EFR3B: variants seen among roughly 807,000 people sequenced by gnomAD.
The protein encoded by EFR3B is protein EFR3 homolog B.
EFR3B carries 64 observed loss-of-function variants against 104.7 expected under a neutral mutation model. The ratio of observed to expected loss-of-function variants is 0.61; its 90% CI spans 0.50 to 0.75. The LOEUF (loss-of-function observed/expected upper bound fraction) is 0.75. EFR3B is among the 30% of genes least tolerant of loss of function. The pLI, the probability that EFR3B is intolerant of heterozygous loss-of-function variation, is 0.00. For synonymous variants in EFR3B, 385 were observed against 417.9 expected (o/e 0.92, Z 0.96); for missense variants, 750 against 1,078.5 (o/e 0.70, Z 4.27).
intron 1 of EFR3B, among the ~76,000 whole-genome samples, chr2:25,073,361 T>TC (rs1327891707): frequency 3.9e-5 from 2 of 50,670 alleles, no homozygotes; most frequent in African/African-American, 6.8e-5. Flanking sequence ...TATTTAATAC[T>TC]TTTTTTTTTT....
chr2:25,084,884 C>T (rs1367084626), intron 1 of EFR3B, among the ~76,000 whole-genome samples: 2 of 152,168 alleles, frequency 1.3e-5, no homozygotes, highest in Non-Finnish European at 2.9e-5. Context: ...GAGGGGACTT[C>T]GAATAGAATG....
chr2:25,077,170 C>A (rs1428472566), intron 1 of EFR3B, among the ~76,000 whole-genome samples: 1 of 152,112 alleles, frequency 6.6e-6, no homozygotes, highest in Non-Finnish European at 1.5e-5. Context: ...CTTTAATTAC[C>A]AAAGGCAAAT....
rs1294756221 is a variant in EFR3B at position 25,156,667 on chromosome 2, T to G, written c.*2327T>G. Reference sequence around the variant, plus strand: ...TGGAGGCTCCTGCACCCCCAAGGCTTTTTGGCTGTGCTTTATGGCCTCTGG... The same window carrying G: ...TGGAGGCTCCTGCACCCCCAAGGCTGTTTGGCTGTGCTTTATGGCCTCTGG... On this transcript the variant is annotated 3_prime_UTR_variant, in exon 23 of 23. Coordinates refer to ENST00000403714, the MANE Select transcript of EFR3B (RefSeq NM_014971.2). 6.6e-6 allele frequency: 1 copy of G among 152,172 alleles called. No individual in the cohort carries two copies. The highest frequency in any genetic ancestry group is 2.4e-5 in the African/African-American group (1 of 41,442). 9.4% of individuals were successfully genotyped at this position (152,172 alleles called of 1,614,324 possible).
chr2:25,159,078 C>T lies in EFR3B; in HGVS notation c.*4738C>T, dbSNP rs557846945. The T allele has an allele frequency of 6.6e-6, 1 of 152,254 alleles. No homozygotes were observed. Among genetic ancestry groups the T allele is most frequent in the East Asian group, 1.9e-4 (1 of 5,190 alleles). The allele number at this position is 152,254 out of a possible 1,614,324, so 9.4% of individuals were successfully genotyped here. A position where few individuals can be genotyped will look rare whatever the true frequency, so the allele number is the denominator to read the frequency against. ...AATCATTCTCTAGGACTATTAGTCGCGATCTCCCAGTGAGCCATCACGATG... is the reference window on the plus strand; with the variant it reads ...AATCATTCTCTAGGACTATTAGTCGTGATCTCCCAGTGAGCCATCACGATG... On this transcript the variant is annotated 3_prime_UTR_variant, in exon 23 of 23. Coordinates refer to ENST00000403714, the MANE Select transcript of EFR3B (RefSeq NM_014971.2).
chr2:25,091,491 G>C (rs1034106342), intron 2 of EFR3B, 90 bp downstream of exon 2: 8 of 1,233,448 alleles, frequency 6.5e-6, no homozygotes, highest in African/African-American at 1.5e-5. Flanking sequence ...CTCCTGCCGG[G>C]TGGGGAAGGC....
chr2:25,155,564 A>T lies in EFR3B; in HGVS notation c.*1224A>T, dbSNP rs948591240. On this transcript the variant is annotated 3_prime_UTR_variant, in exon 23 of 23. Coordinates refer to ENST00000403714, the MANE Select transcript of EFR3B (RefSeq NM_014971.2). ...AGCTAACGCGGAGCCGGGCAGAGCCACCCAGGAGGCAGTTTGTTGCCTTCT... is the reference window on the plus strand; with the variant it reads ...AGCTAACGCGGAGCCGGGCAGAGCCTCCCAGGAGGCAGTTTGTTGCCTTCT... The T allele has an allele frequency of 3.0e-4, 45 of 152,142 alleles. No individual in the cohort carries two copies. Among genetic ancestry groups the T allele is most frequent in the African/African-American group, 1.1e-3 (45 of 41,402 alleles). The allele number at this position is 152,142 out of a possible 1,614,324, so 9.4% of individuals were successfully genotyped here. A position where few individuals can be genotyped will look rare whatever the true frequency, so the allele number is the denominator to read the frequency against.
At chr2:25,150,611 CTT>C (rs200348402) in intron 20 of EFR3B, among the ~76,000 whole-genome samples, 69 of 142,166 alleles carry the variant, frequency 4.9e-4, no homozygotes, top group Middle Eastern at 3.6e-3. Context: ...ATTTCTTGCC[CTT>C]TTTTTTTTTT....
In EFR3B at chr2:25,139,080, G is replaced by A. The variant is rs748903993; in HGVS notation, c.1744G>A (p.Glu582Lys). 6.4e-7 allele frequency: 1 copy of A among 1,551,722 alleles called. No individual in the cohort carries two copies. Residue 582 changes from glutamate to lysine, a missense_variant, in exon 16 of 23, where the codon GAG becomes AAG. By Grantham distance (56) the Glu-to-Lys change is moderately conservative. Coordinates refer to ENST00000403714, the MANE Select transcript of EFR3B (RefSeq NM_014971.2). ...GCAGGACGTGGCCCAAGTCAATGAG[G>A]AGAACTTGCCTGTCTACAACCGCTG... is the stretch of plus-strand genomic sequence containing the variant. Reference protein sequence around the residue: ...AVQDVAQVNEENLPVYNRCAL... With the variant: ...AVQDVAQVNEKNLPVYNRCAL...
At chr2:25,153,883 T>A in intron 22 of EFR3B, 122 bp downstream of exon 22, 3 of 1,060,800 alleles carry the variant, frequency 2.8e-6, no homozygotes, top group Non-Finnish European at 4.2e-6. Flanking sequence ...ACCACTGTAA[T>A]CTCTATCCCC....
chr2:25,147,827 C>A (rs1573238671), intron 19 of EFR3B: 1 of 152,072 alleles, frequency 6.6e-6, no homozygotes, highest in African/African-American at 2.4e-5. Flanking sequence ...TCAAGACCAG[C>A]CTGATCAACA....
At chr2:25,061,296 A>G (rs1573171629) in intron 1 of EFR3B, among the ~76,000 whole-genome samples, 1 of 151,650 alleles carries the variant, frequency 6.6e-6, no homozygotes, top group South Asian at 2.1e-4. Flanking sequence ...GTTTTTTGGT[A>G]GAGACGGGGT....
intron 1 of EFR3B, among the ~76,000 whole-genome samples, chr2:25,046,728 C>T (rs574324001): frequency 2.0e-5 from 3 of 151,996 alleles, no homozygotes; most frequent in African/African-American, 4.8e-5. Flanking sequence ...TGGTCTCGAT[C>T]TCCTGACCTC....
In EFR3B at chr2:25,131,838, G is replaced by A. The variant is rs1045205487; in HGVS notation, c.1074G>A (p.Ala358=). Residue 358 remains alanine, a synonymous_variant, in exon 10 of 23, where the codon GCG becomes GCA. Transcript: ENST00000403714. The surrounding 1 kb of genome is among the most constrained non-coding windows in gnomAD (Gnocchi z 7.6). The part of the protein sequence containing the change: ...DYALTGSYDG[A]VSLGTKIIKE... ...CGCTGACCGGGAGCTACGACGGGGC[G>A]GTCAGCCTCGGCACCAAGATCATCA... The A allele has an allele frequency of 6.5e-6, 10 of 1,549,876 alleles. No homozygotes were observed. The highest frequency in any genetic ancestry group is 8.7e-6 in the Non-Finnish European group (10 of 1,146,462).
At chr2:25,122,853 C>T (rs1001184619) in intron 5 of EFR3B, among the ~76,000 whole-genome samples, 2 of 152,080 alleles carry the variant, frequency 1.3e-5, no homozygotes, top group Non-Finnish European at 2.9e-5. Flanking sequence ...CAGGGTCCGT[C>T]GTTTTACTCA....
At chr2:25,144,920 AG>A in intron 18 of EFR3B, 39 bp from the exon 19 acceptor site, 2 of 1,536,662 alleles carry the variant, frequency 1.3e-6, no homozygotes, top group East Asian at 4.9e-5. Flanking sequence ...TGGATCTCTG[AG>A]GGCTGGGAAC....
chr2:25,143,763 A>C lies in EFR3B; in HGVS notation c.1951A>C (p.Ile651Leu), dbSNP rs1396956290. 6.4e-7 allele frequency: 1 copy of C among 1,551,448 alleles called. No homozygotes were observed. Among genetic ancestry groups the C allele is most frequent in the East Asian group, 2.4e-5 (1 of 40,926 alleles). Residue 651 changes from isoleucine (I) to leucine (L), a missense_variant, in exon 18 of 23, where the codon ATT becomes CTT. By Grantham distance (5) the Ile-to-Leu change is conservative (BLOSUM62 2). Coordinates refer to ENST00000403714, the MANE Select transcript of EFR3B (RefSeq NM_014971.2). The part of the protein sequence containing the change: ...RLSQNLDGVV[I>L]ELLFRQSKIS... ...GTCTCAGAATCTTGATGGGGTGGTC[A>C]TTGAGCTCCTCTTCCGCCAGAGCAA...
chr2:25,053,048 A>T (rs1667924282), intron 1 of EFR3B, among the ~76,000 whole-genome samples: 1 of 152,154 alleles, frequency 6.6e-6, no homozygotes, highest in Non-Finnish European at 1.5e-5. Context: ...CTCCTATCAC[A>T]CTGTCCCTAG....
At chr2:25,148,372 G>C (rs1009683994) in intron 19 of EFR3B, among the ~76,000 whole-genome samples, 2 of 151,632 alleles carry the variant, frequency 1.3e-5, no homozygotes, top group African/African-American at 4.8e-5. Context: ...TCTTGCCTCA[G>C]ACTCCCCAAG....
chr2:25,115,378 G>C (rs970126919), intron 4 of EFR3B, among the ~76,000 whole-genome samples: 3 of 152,176 alleles, frequency 2.0e-5, no homozygotes, highest in African/African-American at 7.2e-5. Flanking sequence ...CTGAGGCTCA[G>C]CTCCACCTGT....
Sources: gnomAD v4.1 joint callset for allele counts (sites outside exome capture counted in the v4.1 genomes callset) on GRCh38, gnomAD v4.1.1 for gene constraint, Gnocchi (gnomAD v3.1) non-coding constraint, MANE v1.5 for transcripts, NCBI Gene and HGNC (gene_info 2026-07-23, HGNC 2026-07-21) for gene names.